Variants in C4orf46 observed in about 807,000 individuals in gnomAD.
C4orf46 encodes renal cancer differentiation gene 1 protein.
Under a neutral mutation model 9.1 loss-of-function variants are expected in C4orf46, and 8 were observed. The ratio of observed to expected loss-of-function variants is 0.88; its 90% CI spans 0.52 to 1.59. The LOEUF (loss-of-function observed/expected upper bound fraction) is 1.59. Ranked by LOEUF, C4orf46 falls within the 40% of genes most tolerant of loss-of-function variation. C4orf46 has a pLI of 0.00. For synonymous variants in C4orf46, 51 were observed against 58.8 expected (o/e 0.87, Z 0.61); for missense variants, 151 against 139.1 (o/e 1.09, Z -0.43).
At chr4:158,669,865 A>C (rs1437958557) in intron 1 of C4orf46, 97 bp from the exon 2 acceptor site, 2 of 981,358 alleles carry the variant, frequency 2.0e-6, no homozygotes, top group East Asian at 5.3e-5. Context: ...TCCAATGCCC[A>C]TGTTATTTTC....
At chr4:158,669,848 C>T in intron 1 of C4orf46, 80 bp from the exon 2 acceptor site, 1 of 1,196,446 alleles carries the variant, frequency 8.4e-7, no homozygotes, top group East Asian at 2.6e-5. Context: ...TAGCTTAAGG[C>T]TTTGAATCCA....
At position 158,671,753 on chromosome 4, in the gene C4orf46, G is replaced by A. The variant is rs867000557; in HGVS notation, c.49C>T (p.Pro17Ser). Residue 17 changes from proline (P) to serine (S), a missense_variant, in exon 1 of 2, where the codon CCC becomes TCC. Pro to Ser is a moderately conservative substitution (Grantham distance 74). Coordinates refer to ENST00000379205, the MANE Select transcript of C4orf46 (RefSeq NM_001008393.4). Reference sequence around the variant, plus strand: ...GCGTCTGAAGAGGAGGGAGAAGAGGGAGGCGGCGGGGGCGGCGAAGAAACC... The same window carrying A: ...GCGTCTGAAGAGGAGGGAGAAGAGGAAGGCGGCGGGGGCGGCGAAGAAACC... Reference protein sequence around the residue: ...LQVSSPPPPPPSSPSSSDASA... With the variant: ...LQVSSPPPPPSSSPSSSDASA... 4 of 1,573,444 alleles carry A rather than the reference G, an allele frequency of 2.5e-6. No individual in the cohort carries two copies. Among genetic ancestry groups the A allele is most frequent in the Non-Finnish European group, 3.4e-6 (4 of 1,159,916 alleles).
rs1773564884 is a variant in C4orf46 at position 158,671,819 on chromosome 4, G to A, written c.-18C>T. The A allele has an allele frequency of 2.0e-6, 3 of 1,477,302 alleles. No individual in the cohort carries two copies. Among genetic ancestry groups the A allele is most frequent in the Non-Finnish European group, 1.8e-6 (2 of 1,108,266 alleles). 91.5% of individuals were successfully genotyped at this position (1,477,302 alleles called of 1,614,324 possible). Reference sequence around the variant, plus strand: ...TCGGCCATGGGGAAGGGTTGGGACCGCGGAATCCGACCCGAGAAGCCGAAC... The same window carrying A: ...TCGGCCATGGGGAAGGGTTGGGACCACGGAATCCGACCCGAGAAGCCGAAC... On this transcript the variant is annotated 5_prime_UTR_variant, in exon 1 of 2. Transcript: ENST00000379205.
Position 158,668,628 on chromosome 4 carries a change from C to T in C4orf46, c.*985G>A, listed in dbSNP as rs949938382. ...ACACTGTCACTAAGATCAAATAATA[C>T]AAAAAAAATCACATCATTTAAATTT... On this transcript the variant is annotated 3_prime_UTR_variant, in exon 2 of 2. Transcript: ENST00000379205. The T allele has an allele frequency of 2.0e-5, 3 of 151,710 alleles. No individual in the cohort carries two copies. The highest frequency in any genetic ancestry group is 7.3e-5 in the African/African-American group (3 of 41,304). The allele number at this position is 151,710 out of a possible 1,614,324, so 9.4% of individuals were successfully genotyped here.
chr4:158,671,381 G>A (rs1773538307), intron 1 of C4orf46, among the ~76,000 whole-genome samples: 2 of 152,192 alleles, frequency 1.3e-5, no homozygotes, highest in Admixed American at 1.3e-4. Flanking sequence ...GCGGGTGGAA[G>A]GAAAACCCCT....
intron 1 of C4orf46, among the ~76,000 whole-genome samples, chr4:158,670,791 C>A (rs1773512133): frequency 6.6e-6 from 1 of 152,066 alleles, no homozygotes; most frequent in South Asian, 2.1e-4. Flanking sequence ...TTCCAATCTG[C>A]AGGAAAGGTC....
In C4orf46 at chr4:158,668,039, A is replaced by C. The variant is rs945034833; in HGVS notation, c.*1574T>G. On this transcript the variant is annotated 3_prime_UTR_variant, in exon 2 of 2. Coordinates refer to ENST00000379205, the MANE Select transcript of C4orf46 (RefSeq NM_001008393.4). ...ACAAAGCAAACTTCAAATGTATCTA[A>C]CATTTGCAATTACATGCATATGTGT... The C allele has an allele frequency of 2.0e-5, 3 of 152,216 alleles. No individual in the cohort carries two copies. Among genetic ancestry groups the C allele is most frequent in the Non-Finnish European group, 2.9e-5 (2 of 68,042 alleles). The allele number at this position is 152,216 out of a possible 1,614,324, so 9.4% of individuals were successfully genotyped here.
upstream of C4orf46, chr4:158,671,971 A>T: frequency 3.5e-6 from 2 of 576,110 alleles, no homozygotes; most frequent in Non-Finnish European, 6.1e-6. Context: ...ATTTTTCGGG[A>T]CAGCCAATCA....
At chr4:158,672,000 A>G (rs1773575415), upstream of C4orf46, 2 of 566,086 alleles carry the variant, frequency 3.5e-6, no homozygotes, top group Admixed American at 3.2e-5. Flanking sequence ...AATTCACCTT[A>G]GGCAACTCAC....
chr4:158,670,116 C>T (rs767972872), intron 1 of C4orf46, among the ~76,000 whole-genome samples: 11 of 143,158 alleles, frequency 7.7e-5, no homozygotes, highest in East Asian at 2.2e-4. Flanking sequence ...CTCCGCCTCC[C>T]GGGTTCAAGT....
At chr4:158,670,649 C>T (rs1388152658) in intron 1 of C4orf46, among the ~76,000 whole-genome samples, 1 of 152,226 alleles carries the variant, frequency 6.6e-6, no homozygotes, top group East Asian at 1.9e-4. Context: ...CTCAATAACA[C>T]ATTAGCACTT....
chr4:158,671,608 A>C lies in C4orf46; in HGVS notation c.186+8T>G, dbSNP rs767415410. ...CGAGGGGGGACGCGGTCCCGACACCACACTCACGTCTCCGATCTGCAGCTC... is the reference window on the plus strand; with the variant it reads ...CGAGGGGGGACGCGGTCCCGACACCCCACTCACGTCTCCGATCTGCAGCTC... On this transcript the variant is annotated splice_region_variant and intron_variant, in intron 1 of 1. Transcript: ENST00000379205. 20 of 1,537,342 alleles carry C rather than the reference A, an allele frequency of 1.3e-5. No homozygotes were observed. Among genetic ancestry groups the C allele is most frequent in the Non-Finnish European group, 1.7e-5 (19 of 1,137,830 alleles).
chr4:158,671,951 A>G (rs1424860871), upstream of C4orf46: 2 of 619,954 alleles, frequency 3.2e-6, no homozygotes, highest in Non-Finnish European at 5.5e-6. Context: ...CCGGACCACA[A>G]AGACGTTTCA....
upstream of C4orf46, chr4:158,671,968 G>A (rs1056585622): frequency 4.0e-5 from 23 of 579,360 alleles, no homozygotes; most frequent in Non-Finnish European, 6.7e-5. Context: ...TTCATTTTTC[G>A]GGACAGCCAA....
Position 158,671,519 on chromosome 4 carries a change from G to C in C4orf46, c.186+97C>G, listed in dbSNP as rs111229175. 2.8e-3 allele frequency: 3,503 copies of C among 1,268,466 alleles called. 54 individuals are homozygous for C. The African/African-American group carries it at 0.038, about 14-fold the overall frequency. 78.6% of individuals were successfully genotyped at this position (1,268,466 alleles called of 1,614,324 possible). On this transcript the variant is annotated intron_variant, in intron 1 of 1. Coordinates refer to ENST00000379205, the MANE Select transcript of C4orf46 (RefSeq NM_001008393.4). The stretch of plus-strand genomic sequence containing the variant: ...AGAAGGGCCGGTCGTCCCGGGTCAT[G>C]GGGGTTGGGGGACCGATTCCCTAGC...
At chr4:158,669,935 C>A (rs570849818) in intron 1 of C4orf46, among the ~76,000 whole-genome samples, 167 bp from the exon 2 acceptor site, 55 of 150,548 alleles carry the variant, frequency 3.7e-4, no homozygotes, top group Non-Finnish European at 6.3e-4. Flanking sequence ...CTAAGAAATT[C>A]TTTAATATTG....
At chr4:158,669,856 C>CATGAA (rs2150298450) in intron 1 of C4orf46, 88 bp from the exon 2 acceptor site, 2 of 1,041,012 alleles carry the variant, frequency 1.9e-6, no homozygotes, top group East Asian at 5.2e-5. Flanking sequence ...GGCTTTGAAT[C>CATGAA]CAATGCCCAT....
Position 158,667,381 on chromosome 4 carries a change from A to G in C4orf46, c.*2232T>C, listed in dbSNP as rs1773406191. ...ATGACATTTCCTATACAAAAACCAG[A>G]AAAAGCAAATCATTATGAAAGATTG... On this transcript the variant is annotated 3_prime_UTR_variant, in exon 2 of 2. Coordinates refer to ENST00000379205, the MANE Select transcript of C4orf46 (RefSeq NM_001008393.4). 1 of 152,236 alleles carries G rather than the reference A, an allele frequency of 6.6e-6. No individual in the cohort carries two copies. The highest frequency in any genetic ancestry group is 1.5e-5 in the Non-Finnish European group (1 of 68,042). 9.4% of individuals were successfully genotyped at this position (152,236 alleles called of 1,614,324 possible). A position where few individuals can be genotyped will look rare whatever the true frequency, so the allele number is the denominator to read the frequency against.
chr4:158,669,623 G>C lies in C4orf46; in HGVS notation c.332C>G (p.Pro111Arg), dbSNP rs759697233. 10 of 1,612,476 alleles carry C rather than the reference G, an allele frequency of 6.2e-6. No individual in the cohort carries two copies. Among genetic ancestry groups the C allele is most frequent in the Non-Finnish European group, 7.6e-6 (9 of 1,179,702 alleles). ...LLKEGYDSLK[P>R]DD ...ACGAAGTATGCCAAATCAGTCATCA[G>C]GTTTCAAAGAATCATAGCCTTCTTT... Residue 111 changes from proline to arginine, a missense_variant, in exon 2 of 2, where the codon CCT (proline) becomes CGT (arginine). Coordinates refer to ENST00000379205, the MANE Select transcript of C4orf46 (RefSeq NM_001008393.4).
Sources: gnomAD v4.1 joint callset for allele counts (sites outside exome capture counted in the v4.1 genomes callset) on GRCh38, gnomAD v4.1.1 for gene constraint, MANE v1.5 for transcripts, NCBI Gene and HGNC (gene_info 2026-07-23, HGNC 2026-07-21) for gene names.